The following ATP4A variants were observed in gnomAD, a reference collection of about 807,000 sequenced individuals.
The protein encoded by ATP4A is potassium-transporting ATPase alpha chain 1.
ATP4A carries 73 observed loss-of-function variants against 112.1 expected under a neutral mutation model. That is an observed-to-expected ratio of 0.65 (90% CI 0.54 to 0.79). The LOEUF is 0.79. Among genes scored for constraint, ATP4A ranks in the 30% least tolerant of loss-of-function variants. The probability of loss-of-function intolerance (pLI) is 0.00; values close to 1 mark genes in which losing one functional copy is unlikely to be tolerated. For missense variants in ATP4A, 1,081 were observed against 1,425.9 expected (o/e 0.76, Z 3.90); for synonymous variants, 588 against 588.9 (o/e 1.00, Z 0.02).
chr19:35,550,999 C>T lies in ATP4A; in HGVS notation c.2987+11G>A. The T allele has an allele frequency of 1.2e-6, 2 of 1,613,532 alleles. No individual in the cohort carries two copies. Among genetic ancestry groups the T allele is most frequent in the Non-Finnish European group, 1.7e-6 (2 of 1,179,676 alleles). ...GCCCCCTCCCTGTCCTTGCCCCTCA[C>T]AGCCTCTCACCGAATGGGCATGAAG... On this transcript the variant is annotated intron_variant, in intron 20 of 21. Coordinates refer to ENST00000262623, the MANE Select transcript of ATP4A (RefSeq NM_000704.3). The surrounding 1 kb of genome is among the most constrained non-coding windows in gnomAD (Gnocchi z 4.1).
In ATP4A at chr19:35,558,299, G is replaced by C; in HGVS notation, c.1500+63C>G. 6.4e-7 allele frequency: 1 copy of C among 1,550,736 alleles called. No individual in the cohort carries two copies. ...AGCCCCTCGTGGCCCGCTGATGTGG[G>C]TGTGGCCTGGGGCGGGGCCCGAGGT... On this transcript the variant is annotated intron_variant, in intron 10 of 21. Coordinates refer to ENST00000262623, the MANE Select transcript of ATP4A (RefSeq NM_000704.3). This position sits in a 1 kb window ranked among gnomAD's most constrained non-coding sequence, Gnocchi z 5.1.
intron 12 of ATP4A, 103 bp downstream of exon 12, chr19:35,556,810 G>T: frequency 7.3e-7 from 1 of 1,363,426 alleles, no homozygotes; most frequent in Non-Finnish European, 1.0e-6. Context: ...AATGCATTTT[G>T]GTTCAAGCCA....
Position 35,557,103 on chromosome 19 carries a change from G to C in ATP4A, c.1694-15C>G, listed in dbSNP as rs751519247. 3 of 1,613,914 alleles carry C rather than the reference G, an allele frequency of 1.9e-6. No individual in the cohort carries two copies. The highest frequency in any genetic ancestry group is 1.7e-6 in the Non-Finnish European group (2 of 1,179,938). ...CTGGCAGAAGCCTGACCGGAAACGG[G>C]GAAGTCAGGGAAGAGCCCTGGGCAC... On this transcript the variant is annotated splice_polypyrimidine_tract_variant and intron_variant, in intron 11 of 21. Transcript: ENST00000262623. The surrounding 1 kb of genome is among the most constrained non-coding windows in gnomAD (Gnocchi z 4.4).
chr19:35,552,353 T>C (rs769602891), intron 18 of ATP4A, among the ~76,000 whole-genome samples: 1 of 152,116 alleles, frequency 6.6e-6, no homozygotes, highest in Non-Finnish European at 1.5e-5. Flanking sequence ...TGCATGAGAA[T>C]CCCAGCAAGG....
Position 35,550,858 on chromosome 19 carries a change from G to C in ATP4A, c.3055C>G (p.Leu1019Val). Residue 1019 changes from leucine to valine, a missense_variant, in exon 21 of 22, where the codon CTT becomes GTT. Physicochemically the swap from Leu to Val is conservative, Grantham distance 32. Transcript: ENST00000262623. This position sits in a 1 kb window ranked among gnomAD's most constrained non-coding sequence, Gnocchi z 4.1. Reference protein sequence around the residue: ...LIFVYDEIRKLGVRCCPGSWW... With the variant: ...LIFVYDEIRKVGVRCCPGSWW... ...CTCCCTGGGCAACAGCGAACTCCAAGCTTCCGGATCTCATCATAGACGAAG... is the reference window on the plus strand; with the variant it reads ...CTCCCTGGGCAACAGCGAACTCCAACCTTCCGGATCTCATCATAGACGAAG... The C allele has an allele frequency of 6.2e-7, 1 of 1,614,196 alleles. No homozygotes were observed. Among genetic ancestry groups the C allele is most frequent in the Non-Finnish European group, 8.5e-7 (1 of 1,180,022 alleles).
In ATP4A at chr19:35,557,023, T is replaced by C. The variant is rs749535766; in HGVS notation, c.1759A>G (p.Met587Val). 13 of 1,614,196 alleles carry C rather than the reference T, an allele frequency of 8.1e-6. No individual in the cohort carries two copies. The highest frequency in any genetic ancestry group is 1.1e-5 in the Non-Finnish European group (13 of 1,180,030). The change falls in exon 12 of 22, where the codon ATG becomes GTG. Residue 587 changes from methionine (M) to valine (V), a missense_variant. Around this residue, in one of 3 missense-constraint regions of ATP4A, gnomAD observed 850 missense variants for 1,068.2 expected, o/e 0.80. Coordinates refer to ENST00000262623, the MANE Select transcript of ATP4A (RefSeq NM_000704.3). This position sits in a 1 kb window ranked among gnomAD's most constrained non-coding sequence, Gnocchi z 4.4. ...PPGYAFDVEA[M>V]NFPSSGLCFA... is the part of the protein sequence containing the mutation. Reference sequence around the variant, plus strand: ...CAGAGGCCGCTAGATGGAAAGTTCATGGCCTCTACGTCGAAGGCATAGCCA... The same window carrying C: ...CAGAGGCCGCTAGATGGAAAGTTCACGGCCTCTACGTCGAAGGCATAGCCA...
In ATP4A at chr19:35,557,814, G is replaced by A. The variant is rs2071640186; in HGVS notation, c.1534C>T (p.Pro512Ser). Residue 512 changes from proline (P) to serine (S), a missense_variant, in exon 11 of 22, where the codon CCG (proline) becomes TCG (serine). By Grantham distance (74) the Pro-to-Ser change is moderately conservative (BLOSUM62 -1). This residue lies in a region of ATP4A where 850 missense variants were observed against 1,068.2 expected (regional missense o/e 0.80). Transcript: ENST00000262623. The surrounding 1 kb of genome is among the most constrained non-coding windows in gnomAD (Gnocchi z 4.4). ...SIHTLEDPRD[P>S]RHLLVMKGAP... Reference sequence around the variant, plus strand: ...CCCTTCATCACCAGCAAGTGTCGCGGGTCCCGCGGGTCCTCCAGCGTATGG... The same window carrying A: ...CCCTTCATCACCAGCAAGTGTCGCGAGTCCCGCGGGTCCTCCAGCGTATGG... The A allele has an allele frequency of 1.3e-6, 2 of 1,561,300 alleles. No homozygotes were observed. The highest frequency in any genetic ancestry group is 1.7e-6 in the Non-Finnish European group (2 of 1,148,388).
Position 35,557,855 on chromosome 19 carries a change from C to CG in ATP4A, c.1501-9dup, listed in dbSNP as rs761519284. On this transcript the variant is annotated splice_polypyrimidine_tract_variant and intron_variant, in intron 10 of 21. Transcript: ENST00000262623. The surrounding 1 kb of genome is among the most constrained non-coding windows in gnomAD (Gnocchi z 4.4). ...CAGCGTATGGATGGACAGCTGTGGG[C>CG]GGGGGGGAGAGGCGAGGCTGTGGAC... 217 of 1,006,858 alleles carry CG rather than the reference C, an allele frequency of 2.2e-4. No individual in the cohort carries two copies. The highest frequency in any genetic ancestry group is 4.3e-4 in the Admixed American group (8 of 18,600). 62.4% of individuals were successfully genotyped at this position (1,006,858 alleles called of 1,614,324 possible). A position where few individuals can be genotyped will look rare whatever the true frequency, so the allele number is the denominator to read the frequency against.
chr19:35,558,029 T>C lies in ATP4A; in HGVS notation c.1501-182A>G. 1.6e-6 allele frequency: 1 copy of C among 619,440 alleles called. No homozygotes were observed. The highest frequency in any genetic ancestry group is 2.9e-5 in the East Asian group (1 of 34,608). The allele number at this position is 619,440 out of a possible 1,614,324, so 38.4% of individuals were successfully genotyped here. A position where few individuals can be genotyped will look rare whatever the true frequency, so the allele number is the denominator to read the frequency against. ...GTGTGGAGGGGTCCTTGGTAGAAGGTAAGCGTTAAGGCGGGGCTAGGTGCA... is the reference window on the plus strand; with the variant it reads ...GTGTGGAGGGGTCCTTGGTAGAAGGCAAGCGTTAAGGCGGGGCTAGGTGCA... On this transcript the variant is annotated intron_variant, in intron 10 of 21. Coordinates refer to ENST00000262623, the MANE Select transcript of ATP4A (RefSeq NM_000704.3). The surrounding 1 kb of genome is among the most constrained non-coding windows in gnomAD (Gnocchi z 5.1).
chr19:35,556,914 C>A lies in ATP4A; in HGVS notation c.1868G>T (p.Arg623Leu). 1 of 1,613,486 alleles carries A rather than the reference C, an allele frequency of 6.2e-7. No homozygotes were observed. The highest frequency in any genetic ancestry group is 1.1e-5 in the South Asian group (1 of 91,038). Reference protein sequence around the residue: ...AVLKCRTAGIRVIMVTGDHPI... With the variant: ...AVLKCRTAGILVIMVTGDHPI... ...TTGTTCCTCCCCACAGTGGCATACC[C>A]GGATGCCTGCGGTGCGACACTTGAG... The change falls in exon 12 of 22, where the codon CGG becomes CTG. Residue 623 changes from arginine to leucine, a missense_variant and splice_region_variant. Arg to Leu is a moderately radical substitution (Grantham distance 102). Transcript: ENST00000262623.
Position 35,551,873 on chromosome 19 carries a change from G to C in ATP4A, c.2752-293C>G, listed in dbSNP as rs1173870131. On this transcript the variant is annotated intron_variant, in intron 18 of 21. Coordinates refer to ENST00000262623, the MANE Select transcript of ATP4A (RefSeq NM_000704.3). The surrounding 1 kb of genome is among the most constrained non-coding windows in gnomAD (Gnocchi z 5.2). ...AGTGAAAGGGGGGAGGCACCCAAAA[G>C]AAAGGGCCTGGGAAAGGGGAATTGA... is the stretch of plus-strand genomic sequence containing the variant. Among the ~76,000 whole-genome samples the C allele has an allele frequency of 3.3e-5, 5 of 152,162 alleles. No individual in the cohort carries two copies. The highest frequency in any genetic ancestry group is 7.3e-5 in the Non-Finnish European group (5 of 68,030).
Position 35,557,641 on chromosome 19 carries a change from C to A in ATP4A, c.1693+14G>T. On this transcript the variant is annotated intron_variant, in intron 11 of 21. Coordinates refer to ENST00000262623, the MANE Select transcript of ATP4A (RefSeq NM_000704.3). The surrounding 1 kb of genome is among the most constrained non-coding windows in gnomAD (Gnocchi z 4.4). ...CTCGCACCTGGAGTCTCCTCCCCTG[C>A]CCAGGGGTCTCACCGAGCACGCGTT... 6.3e-7 allele frequency: 1 copy of A among 1,598,712 alleles called. No individual in the cohort carries two copies. The highest frequency in any genetic ancestry group is 8.5e-7 in the Non-Finnish European group (1 of 1,173,504).
chr19:35,557,885 G>T lies in ATP4A; in HGVS notation c.1501-38C>A, dbSNP rs771031550. On this transcript the variant is annotated intron_variant, in intron 10 of 21. Coordinates refer to ENST00000262623, the MANE Select transcript of ATP4A (RefSeq NM_000704.3). The surrounding 1 kb of genome is among the most constrained non-coding windows in gnomAD (Gnocchi z 4.4). ...GGGAGAGGCGAGGCTGTGGACGGGG[G>T]AACGGGGCGGGGCTGTGGACGAGGG... is the stretch of plus-strand genomic sequence containing the variant. 15 of 772,192 alleles carry T rather than the reference G, an allele frequency of 1.9e-5. No homozygotes were observed. Among genetic ancestry groups the T allele is most frequent in the East Asian group, 5.0e-5 (1 of 19,928 alleles). The allele number at this position is 772,192 out of a possible 1,614,324, so 47.8% of individuals were successfully genotyped here. A position where few individuals can be genotyped will look rare whatever the true frequency, so the allele number is the denominator to read the frequency against.
At chr19:35,562,319 C>A (rs976208060) in intron 4 of ATP4A, 116 bp downstream of exon 4, 1 of 1,246,586 alleles carries the variant, frequency 8.0e-7, no homozygotes, top group Non-Finnish European at 1.1e-6. Flanking sequence ...CTTGAGACTG[C>A]CTTTCGTGTT....
chr19:35,559,428 G>C lies in ATP4A; in HGVS notation c.1057-237C>G, dbSNP rs575956731. 6.6e-6 allele frequency among the ~76,000 whole-genome samples: 1 copy of C among 152,226 alleles called. No individual in the cohort carries two copies. Among genetic ancestry groups the C allele is most frequent in the Non-Finnish European group, 1.5e-5 (1 of 68,036 alleles). ...GGCCCCTCTCTGAGCTGTCCCAGCC[G>C]AGGTTCTGAAAATTCTCTTCACACA... On this transcript the variant is annotated intron_variant, in intron 7 of 21. Coordinates refer to ENST00000262623, the MANE Select transcript of ATP4A (RefSeq NM_000704.3). The surrounding 1 kb of genome is among the most constrained non-coding windows in gnomAD (Gnocchi z 4.1).
Position 35,562,658 on chromosome 19 carries a change from C to T in ATP4A, c.217-20G>A, listed in dbSNP as rs201996461. On this transcript the variant is annotated intron_variant, in intron 3 of 21. Transcript: ENST00000262623. ...GAGGCCCTGGGACAGAGGGGCAGGGCGAGGCGGTCCTGGGGGCTTTCCTCC... is the reference window on the plus strand; with the variant it reads ...GAGGCCCTGGGACAGAGGGGCAGGGTGAGGCGGTCCTGGGGGCTTTCCTCC... 5.2e-4 allele frequency: 821 copies of T among 1,566,830 alleles called. 4 individuals carry two copies. Among genetic ancestry groups the T allele is most frequent in the East Asian group, 3.3e-4 (14 of 42,802 alleles).
At position 35,558,910 on chromosome 19, in the gene ATP4A, C is replaced by A; in HGVS notation, c.1255+83G>T. ...CGAGCCGCCCCGCCTTCGTACAAAG[C>A]CCTCCCTACCTCCCTATCCCTCTTC... On this transcript the variant is annotated intron_variant, in intron 8 of 21. Coordinates refer to ENST00000262623, the MANE Select transcript of ATP4A (RefSeq NM_000704.3). The surrounding 1 kb of genome is among the most constrained non-coding windows in gnomAD (Gnocchi z 5.1). 6.5e-7 allele frequency: 1 copy of A among 1,538,946 alleles called. No homozygotes were observed. Among genetic ancestry groups the A allele is most frequent in the South Asian group, 1.2e-5 (1 of 85,994 alleles).
Position 35,551,642 on chromosome 19 carries a change from T to C in ATP4A, c.2752-62A>G, listed in dbSNP as rs1196218409. ...AGCCTGAGTCCCGGCGGAGAGCCTC[T>C]GCAGCCCACCGGGCATAGGGTCCCA... is the stretch of plus-strand genomic sequence containing the variant. On this transcript the variant is annotated intron_variant, in intron 18 of 21. Transcript: ENST00000262623. The surrounding 1 kb of genome is among the most constrained non-coding windows in gnomAD (Gnocchi z 5.2). 8 of 1,570,634 alleles carry C rather than the reference T, an allele frequency of 5.1e-6. No individual in the cohort carries two copies. The highest frequency in any genetic ancestry group is 6.9e-6 in the Non-Finnish European group (8 of 1,157,702).
In ATP4A at chr19:35,557,568, G is replaced by A. The variant is rs2071638233; in HGVS notation, c.1693+87C>T. 5.5e-6 allele frequency: 8 copies of A among 1,443,582 alleles called. No individual in the cohort carries two copies. Among genetic ancestry groups the A allele is most frequent in the African/African-American group, 2.8e-5 (2 of 70,798 alleles). 89.4% of individuals were successfully genotyped at this position (1,443,582 alleles called of 1,614,324 possible). A position where few individuals can be genotyped will look rare whatever the true frequency, so the allele number is the denominator to read the frequency against. On this transcript the variant is annotated intron_variant, in intron 11 of 21. Coordinates refer to ENST00000262623, the MANE Select transcript of ATP4A (RefSeq NM_000704.3). The surrounding 1 kb of genome is among the most constrained non-coding windows in gnomAD (Gnocchi z 4.4). ...TCAGCCAGCAGCCAGGGATGAGGAC[G>A]GTCAGGGCTGGGCCGGGAGTGGTGG...
Sources: gnomAD v4.1 joint callset for allele counts (sites outside exome capture counted in the v4.1 genomes callset) on GRCh38, gnomAD v4.1.1 for gene constraint, gnomAD v4.1.1 regional missense constraint, Gnocchi (gnomAD v3.1) non-coding constraint, MANE v1.5 for transcripts, NCBI Gene and HGNC (gene_info 2026-07-23, HGNC 2026-07-21) for gene names.